LRP1B: variants seen among roughly 807,000 people sequenced by gnomAD.
LRP1B encodes the protein low-density lipoprotein receptor-related protein 1B.
LRP1B carries 217 observed loss-of-function variants against 556.6 expected under a neutral mutation model. The ratio of observed to expected loss-of-function variants is 0.39; its 90% CI spans 0.35 to 0.44. The LOEUF is 0.44. LRP1B is among the 20% of genes least tolerant of loss of function. The pLI, the probability that LRP1B is intolerant of heterozygous loss-of-function variation, is 1.00. For synonymous variants in LRP1B, 2,047 were observed against 1,865.8 expected, an observed-to-expected ratio of 1.10 and a Z score of -2.50; for missense variants, 5,053 against 5,620.8, an observed-to-expected ratio of 0.90 and a Z score of 3.23.
At chr2:142,113,286 T>C (rs897678600) in intron 1 of LRP1B, among the ~76,000 whole-genome samples, 1 of 152,096 alleles carries the variant, frequency 6.6e-6, no homozygotes, top group Non-Finnish European at 1.5e-5. Flanking sequence ...AAATTCAATA[T>C]GGGTGTTACA....
intron 22 of LRP1B, among the ~76,000 whole-genome samples, chr2:140,906,269 C>T (rs879342980): frequency 6.6e-5 from 10 of 152,022 alleles, no homozygotes; most frequent in Admixed American, 2.6e-4. Flanking sequence ...TAAGTAATGA[C>T]CATATGGCTA....
intron 1 of LRP1B, among the ~76,000 whole-genome samples, chr2:142,065,342 A>G (rs1705070827): frequency 6.6e-6 from 1 of 151,102 alleles, no homozygotes; most frequent in South Asian, 2.1e-4. Context: ...TTTCAGTTTT[A>G]GAAGATCCCC....
chr2:141,633,830 T>C (rs1156879482), intron 2 of LRP1B, among the ~76,000 whole-genome samples: 2 of 152,004 alleles, frequency 1.3e-5, no homozygotes, highest in African/African-American at 4.8e-5. Context: ...ACTATAAAAA[T>C]TAAGCAATCC....
intron 66 of LRP1B, among the ~76,000 whole-genome samples, chr2:140,437,492 A>C (rs530278471): frequency 6.6e-6 from 1 of 152,318 alleles, no homozygotes; most frequent in South Asian, 2.1e-4. Context: ...TCCACATTTA[A>C]ATTTGGGAAA....
intron 2 of LRP1B, among the ~76,000 whole-genome samples, chr2:141,558,864 G>A (rs953733319): frequency 2.6e-5 from 4 of 151,630 alleles, no homozygotes; most frequent in African/African-American, 4.8e-5. Flanking sequence ...TTAAAACAGC[G>A]CTATGAATCT....
intron 1 of LRP1B, among the ~76,000 whole-genome samples, chr2:142,079,105 A>G (rs1705617448): frequency 6.6e-6 from 1 of 152,200 alleles, no homozygotes; most frequent in Non-Finnish European, 1.5e-5. Context: ...TAATTTTTGC[A>G]AAATAGAAAT....
At chr2:140,659,560 C>CTTA (rs1251899519) in intron 41 of LRP1B, among the ~76,000 whole-genome samples, 5 of 151,944 alleles carry the variant, frequency 3.3e-5, no homozygotes, top group Admixed American at 2.0e-4. Flanking sequence ...CTTCAGTGGA[C>CTTA]TTATATTCAA....
intron 2 of LRP1B, among the ~76,000 whole-genome samples, chr2:141,648,928 T>C (rs1181457013): frequency 1.3e-5 from 2 of 152,358 alleles, no homozygotes; most frequent in East Asian, 3.9e-4. Flanking sequence ...ATTCTGCTTA[T>C]AGCATTTAAT....
intron 3 of LRP1B, among the ~76,000 whole-genome samples, chr2:141,470,949 T>C (rs182927582): frequency 6.6e-6 from 1 of 152,316 alleles, no homozygotes; most frequent in Admixed American, 6.5e-5. Context: ...ACCTTCCAAA[T>C]TTCTAAATGT....
intron 32 of LRP1B, among the ~76,000 whole-genome samples, chr2:140,803,683 G>T (rs1198149250): frequency 1.3e-5 from 2 of 151,926 alleles, no homozygotes; most frequent in African/African-American, 4.8e-5. Flanking sequence ...ACACAGACCT[G>T]CACTGATTGT....
intron 7 of LRP1B, among the ~76,000 whole-genome samples, chr2:141,143,309 A>G (rs779059589): frequency 6.6e-6 from 1 of 152,066 alleles, no homozygotes; most frequent in African/African-American, 2.4e-5. Context: ...CTGTTTATGT[A>G]GGGATAGCAT....
chr2:141,942,761 C>G (rs1279111498), intron 1 of LRP1B, among the ~76,000 whole-genome samples: 1 of 152,130 alleles, frequency 6.6e-6, no homozygotes, highest in Non-Finnish European at 1.5e-5. Context: ...AGGGGTCTTT[C>G]TATTTTACTG....
intron 21 of LRP1B, among the ~76,000 whole-genome samples, chr2:140,920,085 G>A (rs902634327): frequency 2.6e-5 from 4 of 151,900 alleles, no homozygotes; most frequent in Non-Finnish European, 4.4e-5. Context: ...CTATTTTCCC[G>A]GTACCTTGCG....
intron 2 of LRP1B, among the ~76,000 whole-genome samples, chr2:141,637,313 A>T (rs1176194152): frequency 6.6e-6 from 1 of 152,188 alleles, no homozygotes; most frequent in Non-Finnish European, 1.5e-5. Context: ...TAAATTATGT[A>T]AGCCACTACT....
At chr2:140,331,603 CT>C (rs1419424753) in intron 79 of LRP1B, among the ~76,000 whole-genome samples, 1 of 151,456 alleles carries the variant, frequency 6.6e-6, no homozygotes, top group African/African-American at 2.4e-5. Context: ...CATCCATATG[CT>C]GTACATTGGA....
At chr2:140,761,238 G>C (rs1688910153) in intron 35 of LRP1B, among the ~76,000 whole-genome samples, 1 of 152,126 alleles carries the variant, frequency 6.6e-6, no homozygotes, top group South Asian at 2.1e-4. Context: ...CCAGAATATA[G>C]AAGCTGTCCA....
chr2:141,315,557 C>T (rs149893124), intron 3 of LRP1B, among the ~76,000 whole-genome samples: 52 of 151,504 alleles, frequency 3.4e-4, no homozygotes, highest in African/African-American at 1.3e-3. Context: ...CCACGCCCGG[C>T]CGAATGATTG....
At chr2:141,276,724 T>C (rs759828228) in intron 3 of LRP1B, among the ~76,000 whole-genome samples, 1 of 150,234 alleles carries the variant, frequency 6.7e-6, no homozygotes. Context: ...TGGCAAGATC[T>C]TGGCTCACTG....
chr2:142,028,332 G>T (rs1314174574), intron 1 of LRP1B, among the ~76,000 whole-genome samples: 1 of 151,850 alleles, frequency 6.6e-6, no homozygotes, highest in East Asian at 1.9e-4. Flanking sequence ...CTGTCCCTTT[G>T]CCATCAACCA....
Sources: gnomAD v4.1 joint callset for allele counts (sites outside exome capture counted in the v4.1 genomes callset) on GRCh38, gnomAD v4.1.1 for gene constraint, MANE v1.5 for transcripts, NCBI Gene and HGNC (gene_info 2026-07-23, HGNC 2026-07-21) for gene names.